SGCZ: variants seen among roughly 807,000 people sequenced by gnomAD.
SGCZ encodes sarcoglycan zeta.
Under a neutral mutation model 41.3 loss-of-function variants are expected in SGCZ, and 40 were observed. The observed-to-expected ratio is 0.97, with a 90% CI of 0.75 to 1.26. The LOEUF is 1.26. SGCZ is among the 50% of genes most tolerant of loss of function. The pLI is 0.00. For missense variants in SGCZ, 552 were observed against 369.8 expected, an observed-to-expected ratio of 1.49 and a Z score of -4.04; for synonymous variants, 206 against 137.5, an observed-to-expected ratio of 1.50 and a Z score of -3.49.
intron 2 of SGCZ, among the ~76,000 whole-genome samples, chr8:14,536,612 G>A (rs542381611): frequency 2.0e-5 from 3 of 151,786 alleles, no homozygotes; most frequent in African/African-American, 7.2e-5. Flanking sequence ...AAAAGGTTTT[G>A]ACTGGTGATT....
intron 5 of SGCZ, among the ~76,000 whole-genome samples, chr8:14,130,248 C>T (rs1300306734): frequency 2.0e-5 from 3 of 150,980 alleles, no homozygotes; most frequent in South Asian, 2.1e-4. Context: ...AATTTAATTA[C>T]GGTGCAAAAT....
intron 5 of SGCZ, among the ~76,000 whole-genome samples, chr8:14,135,247 CTGTG>C (rs1198078562): frequency 6.6e-6 from 1 of 152,128 alleles, no homozygotes; most frequent in Non-Finnish European, 1.5e-5. Flanking sequence ...GCTTTTTCAC[CTGTG>C]TAACAAAATA....
intron 1 of SGCZ, among the ~76,000 whole-genome samples, chr8:15,163,818 T>C (rs1281718602): frequency 1.3e-5 from 2 of 152,198 alleles, no homozygotes; most frequent in East Asian, 1.9e-4. Flanking sequence ...AGTTTCACTG[T>C]CCAAAAGAAA....
intron 1 of SGCZ, among the ~76,000 whole-genome samples, chr8:15,050,032 C>G (rs1186876396): frequency 6.6e-6 from 1 of 152,130 alleles, no homozygotes; most frequent in East Asian, 1.9e-4. Flanking sequence ...CAAACTAATA[C>G]AGTCAATAGT....
intron 1 of SGCZ, among the ~76,000 whole-genome samples, chr8:14,912,476 A>G (rs542936219): frequency 6.6e-6 from 1 of 152,220 alleles, no homozygotes; most frequent in African/African-American, 2.4e-5. Flanking sequence ...TAGAATAAAG[A>G]TTATTTCCAA....
At chr8:14,356,208 T>C (rs1357468148) in intron 2 of SGCZ, among the ~76,000 whole-genome samples, 2 of 152,138 alleles carry the variant, frequency 1.3e-5, no homozygotes, top group East Asian at 3.8e-4. Context: ...GCCACGATGT[T>C]CGGTAGATTA....
At chr8:14,552,338 C>T (rs976632040) in intron 2 of SGCZ, among the ~76,000 whole-genome samples, 1 of 151,994 alleles carries the variant, frequency 6.6e-6, no homozygotes, top group African/African-American at 2.4e-5. Context: ...CTACATTGAG[C>T]TAGAGAGTGT....
chr8:14,114,235 C>T (rs1802455592), intron 5 of SGCZ, among the ~76,000 whole-genome samples: 1 of 151,912 alleles, frequency 6.6e-6, no homozygotes, highest in African/African-American at 2.4e-5. Flanking sequence ...GCATAAAATG[C>T]TTTCTATTTT....
rs193075512 is a variant in SGCZ at position 14,115,704 on chromosome 8, C to T, written c.548-7469G>A. Among the ~76,000 whole-genome samples, 3 of 151,588 alleles carry T rather than the reference C, an allele frequency of 2.0e-5. 1 individual carries two copies. The highest frequency in any genetic ancestry group is 1.3e-4 in the Admixed American group (2 of 15,186). On this transcript the variant is annotated intron_variant, in intron 5 of 7. Transcript: ENST00000382080. ...TTTTGTATAACCCTTTCCTTGATAACCTCTATCATTAATCCAGTGAAATTC... is the reference window on the plus strand; with the variant it reads ...TTTTGTATAACCCTTTCCTTGATAATCTCTATCATTAATCCAGTGAAATTC...
rs993566663 is a variant in SGCZ at position 14,319,524 on chromosome 8, G to C, written c.336+4579C>G. ...TTTTCCAGGAAAATCCCCCATGCAG[G>C]TAAATAAAACAAATCAAAACTAGCA... On this transcript the variant is annotated intron_variant, in intron 3 of 7. Coordinates refer to ENST00000382080, the MANE Select transcript of SGCZ (RefSeq NM_139167.4). 2.6e-5 allele frequency: 4 copies of C among 151,942 alleles called. No homozygotes were observed. The East Asian group carries it at 7.7e-4, about 29-fold the overall frequency. 9.4% of individuals were successfully genotyped at this position (151,942 alleles called of 1,614,324 possible).
intron 1 of SGCZ, among the ~76,000 whole-genome samples, chr8:15,076,476 A>AGCAGAATTCACT (rs1340902104): frequency 6.6e-6 from 1 of 152,180 alleles, no homozygotes; most frequent in Non-Finnish European, 1.5e-5. Context: ...ATGTCGTGGA[A>AGCAGAATTCACT]GCAGAATTCA....
rs12676343 is a variant in SGCZ at position 14,815,541 on chromosome 8, A to G, written c.40-260615T>C. Among the ~76,000 whole-genome samples the G allele has an allele frequency of 6.6e-5, 10 of 152,300 alleles. No individual in the cohort carries two copies. In the East Asian group the frequency reaches 1.9e-3, roughly 29 times the overall value. On this transcript the variant is annotated intron_variant, in intron 1 of 7. Coordinates refer to ENST00000382080, the MANE Select transcript of SGCZ (RefSeq NM_139167.4). ...AGGAATAAATCACTATGAATTCTTT[A>G]GACATTGTCTGCACCTATGCCAGCA...
At chr8:14,476,396 T>C (rs1024531266) in intron 2 of SGCZ, among the ~76,000 whole-genome samples, 8 of 152,088 alleles carry the variant, frequency 5.3e-5, no homozygotes, top group African/African-American at 1.7e-4. Flanking sequence ...TCTTTCCTTA[T>C]ATATTTCTAT....
chr8:14,738,058 G>A (rs1422525224), intron 1 of SGCZ, among the ~76,000 whole-genome samples: 3 of 152,012 alleles, frequency 2.0e-5, no homozygotes, highest in Admixed American at 6.6e-5. Flanking sequence ...AAATCCTGGC[G>A]TTCGCACTTT....
chr8:15,052,098 T>G (rs1348666096), intron 1 of SGCZ, among the ~76,000 whole-genome samples: 2 of 152,076 alleles, frequency 1.3e-5, no homozygotes, highest in African/African-American at 4.8e-5. Context: ...ATGGTTTGAG[T>G]TGGGTTCTTT....
intron 1 of SGCZ, among the ~76,000 whole-genome samples, chr8:14,624,967 A>G (rs1806405584): frequency 6.6e-6 from 1 of 152,074 alleles, no homozygotes; most frequent in East Asian, 1.9e-4. Context: ...TTCCTTAGAT[A>G]TGGTCATTCA....
At chr8:14,485,106 T>G (rs1487740239) in intron 2 of SGCZ, among the ~76,000 whole-genome samples, 1 of 152,244 alleles carries the variant, frequency 6.6e-6, no homozygotes, top group African/African-American at 2.4e-5. Flanking sequence ...TACTAATTTA[T>G]GCAGAATTTC....
chr8:14,604,727 C>T (rs991971420), intron 1 of SGCZ, among the ~76,000 whole-genome samples: 1 of 151,992 alleles, frequency 6.6e-6, no homozygotes, highest in East Asian at 1.9e-4. Context: ...TAAAAAATAG[C>T]CAGAGAGAAT....
chr8:15,030,206 G>T (rs1373616431), intron 1 of SGCZ, among the ~76,000 whole-genome samples: 1 of 151,990 alleles, frequency 6.6e-6, no homozygotes, highest in Non-Finnish European at 1.5e-5. Context: ...ATTCATAAGG[G>T]GTTATCTAAA....
Sources: gnomAD v4.1 joint callset for allele counts (sites outside exome capture counted in the v4.1 genomes callset) on GRCh38, gnomAD v4.1.1 for gene constraint, MANE v1.5 for transcripts, NCBI Gene and HGNC (gene_info 2026-07-23, HGNC 2026-07-21) for gene names.